The following TF variants were observed in gnomAD, a reference collection of about 807,000 sequenced individuals.
TF encodes transferrin.
In TF, 55 loss-of-function variants were observed where a neutral mutation model predicts 82.4. That is an observed-to-expected ratio of 0.67 (90% CI 0.54 to 0.84). The LOEUF (loss-of-function observed/expected upper bound fraction) is 0.84, where lower values mean the gene tolerates loss of function less well. Ranked by LOEUF, TF falls within the 40% of genes least tolerant of loss-of-function variation. TF has a pLI of 0.00. For synonymous variants in TF, 332 were observed against 332.6 expected (o/e 1.00, Z 0.02); for missense variants, 737 against 868.4 (o/e 0.85, Z 1.90).
the TF span, chr3:133,707,373 C>T: frequency 1.3e-5 from 2 of 152,244 alleles, no homozygotes; most frequent in African/African-American, 4.8e-5. Flanking sequence ...GGAGAACCTG[C>T]TTCACTGGGA....
At chr3:133,685,848 A>T in the TF span, among the ~76,000 whole-genome samples, 14 of 152,164 alleles carry the variant, frequency 9.2e-5, no homozygotes, top group African/African-American at 1.2e-4. Context: ...GGAAAAAACT[A>T]CTTTAAAGTT....
chr3:133,756,375 G>A (rs371301914), intron 6 of TF, 38 bp downstream of exon 6: 3 of 1,599,716 alleles, frequency 1.9e-6, no homozygotes, highest in Non-Finnish European at 2.6e-6. Context: ...GCCACTCCAA[G>A]TAGTGGGTGT....
At chr3:133,671,795 G>GAAAAAAA in the TF span, among the ~76,000 whole-genome samples, 2 of 54,434 alleles carry the variant, frequency 3.7e-5, no homozygotes, top group African/African-American at 5.5e-5. Context: ...TCTGTCAAAA[G>GAAAAAAA]AAAAAAAAAA....
At chr3:133,750,718 C>A (rs937281628) in intron 2 of TF, among the ~76,000 whole-genome samples, 1 of 152,082 alleles carries the variant, frequency 6.6e-6, no homozygotes, top group African/African-American at 2.4e-5. Flanking sequence ...AGGTTCCTGA[C>A]CACTCTCCCA....
At chr3:133,778,562 C>T (rs1434365481) in intron 16 of TF, 24 bp from the exon 17 acceptor site, 12 of 1,611,982 alleles carry the variant, frequency 7.4e-6, no homozygotes, top group Non-Finnish European at 1.0e-5. Context: ...TTTGAAAATC[C>T]TACCTCTCTG....
chr3:133,688,619 A>G, the TF span, among the ~76,000 whole-genome samples: 3 of 152,226 alleles, frequency 2.0e-5, no homozygotes, highest in African/African-American at 7.2e-5. Flanking sequence ...CAATCTCAGT[A>G]AAATACCTAT....
the TF span, among the ~76,000 whole-genome samples, chr3:133,676,459 G>A: frequency 6.6e-6 from 1 of 152,234 alleles, no homozygotes; most frequent in African/African-American, 2.4e-5. Context: ...ACTCATGCAT[G>A]TGAAGAGCCC....
At chr3:133,724,772 G>A in the TF span, among the ~76,000 whole-genome samples, 3 of 152,144 alleles carry the variant, frequency 2.0e-5, no homozygotes, top group Non-Finnish European at 2.9e-5. Context: ...TTTCTTCTAG[G>A]GATTTTATGG....
Position 133,774,703 on chromosome 3 carries a change from T to C in TF, c.1688-730T>C, listed in dbSNP as rs911961267. ...GATATTCAAAAATTTATGAGTGTGA[T>C]CTCATGTATTAGTTATTCGGTTAAA... On this transcript the variant is annotated intron_variant, in intron 14 of 16. Transcript: ENST00000402696. 5.2e-5 allele frequency: 10 copies of C among 192,632 alleles called. No individual in the cohort carries two copies. In the Admixed American group the frequency reaches 5.4e-4, roughly 10 times the overall value. The allele number at this position is 192,632 out of a possible 1,614,324, so 11.9% of individuals were successfully genotyped here. A position where few individuals can be genotyped will look rare whatever the true frequency, so the allele number is the denominator to read the frequency against.
chr3:133,699,837 C>G, the TF span: 512 of 214,742 alleles, frequency 2.4e-3, 4 homozygotes, highest in African/African-American at 0.011. Flanking sequence ...GAACCACGAA[C>G]CTGGTGGACT....
At chr3:133,682,776 A>G in the TF span, among the ~76,000 whole-genome samples, 1 of 152,218 alleles carries the variant, frequency 6.6e-6, no homozygotes, top group Non-Finnish European at 1.5e-5. Context: ...AAGTTGGAAA[A>G]CACTCTTCAG....
At chr3:133,728,266 T>C in the TF span, among the ~76,000 whole-genome samples, 1 of 152,230 alleles carries the variant, frequency 6.6e-6, no homozygotes, top group African/African-American at 2.4e-5. Flanking sequence ...CTTGGTTCCA[T>C]TCTCCCCGTC....
rs1348375069 is a variant in TF, at chr3:133,779,451, T to C, written c.*831T>C. 1 of 152,270 alleles carries C rather than the reference T, an allele frequency of 6.6e-6. No individual in the cohort carries two copies. Among genetic ancestry groups the C allele is most frequent in the African/African-American group, 2.4e-5 (1 of 41,454 alleles). The allele number at this position is 152,270 out of a possible 1,614,324, so 9.4% of individuals were successfully genotyped here. On this transcript the variant is annotated 3_prime_UTR_variant, in exon 17 of 17. Coordinates refer to ENST00000402696, the MANE Select transcript of TF (RefSeq NM_001063.4). ...CAGGTCTTCCATTCCTGAGCCCATT[T>C]CCTGCAGTTGATAAAGTTGACCACT... is the stretch of plus-strand genomic sequence containing the variant.
chr3:133,770,442 C>G, intron 13 of TF, 66 bp from the exon 14 acceptor site: 1 of 1,451,668 alleles, frequency 6.9e-7, no homozygotes. Context: ...TAAGGTAGCC[C>G]CCTGAATGAC....
rs1934814303 is a variant in TF, at chr3:133,790,898, TG to T, written c.*12284del. ...AACAAAATATTCATTATGTGGGTTT[TG>T]GGGGGCCCTAGGTAAACACTGTAGC... On this transcript the variant is annotated 3_prime_UTR_variant, in exon 17 of 17. Coordinates refer to ENST00000402696, the MANE Select transcript of TF (RefSeq NM_001063.4). 1 of 152,296 alleles carries T rather than the reference TG, an allele frequency of 6.6e-6. No individual in the cohort carries two copies. Among genetic ancestry groups the T allele is most frequent in the African/African-American group, 2.4e-5 (1 of 41,554 alleles). The allele number at this position is 152,296 out of a possible 1,614,324, so 9.4% of individuals were successfully genotyped here.
the TF span, among the ~76,000 whole-genome samples, chr3:133,730,028 C>A: frequency 2.0e-5 from 3 of 152,092 alleles, no homozygotes; most frequent in Non-Finnish European, 4.4e-5. Context: ...TATTCTCTTG[C>A]TTTTTCATGT....
chr3:133,750,814 G>A (rs1376699027), intron 2 of TF, among the ~76,000 whole-genome samples: 1 of 151,838 alleles, frequency 6.6e-6, no homozygotes, highest in Admixed American at 6.6e-5. Flanking sequence ...TAAGTTCTAG[G>A]GTACAAGTGC....
the TF span, among the ~76,000 whole-genome samples, chr3:133,733,614 C>T: frequency 1.3e-5 from 2 of 152,174 alleles, no homozygotes; most frequent in Non-Finnish European, 1.5e-5. Context: ...ACATCTCTGT[C>T]TTAAAATGAG....
the TF span, among the ~76,000 whole-genome samples, chr3:133,663,698 G>A: frequency 8.5e-5 from 13 of 152,090 alleles, no homozygotes; most frequent in Admixed American, 2.0e-4. Flanking sequence ...TCACTTGCCC[G>A]TGCCTTTCCT....
Sources: allele counts gnomAD v4.1 joint callset (sites outside exome capture counted in the v4.1 genomes callset), GRCh38; gene constraint gnomAD v4.1.1; transcripts MANE v1.5; gene names NCBI Gene and HGNC (gene_info 2026-07-23, HGNC 2026-07-21).